Variants in SLC16A7 observed in about 807,000 individuals in gnomAD.
SLC16A7 encodes solute carrier family 16 member 7.
A neutral mutation model predicts 34.9 loss-of-function variants in SLC16A7; 33 were observed. The observed-to-expected ratio is 0.94, with a 90% CI of 0.72 to 1.26. SLC16A7 has a LOEUF of 1.26. Ranked by LOEUF, SLC16A7 falls within the 50% of genes most tolerant of loss-of-function variation. SLC16A7 has a pLI of 0.00. For missense variants in SLC16A7, 573 were observed against 578.1 expected, an observed-to-expected ratio of 0.99 and a Z score of 0.09; for synonymous variants, 201 against 206.6, an observed-to-expected ratio of 0.97 and a Z score of 0.23.
At chr12:59,767,399 T>C (rs1028247515) in intron 3 of SLC16A7, among the ~76,000 whole-genome samples, 3 of 151,926 alleles carry the variant, frequency 2.0e-5, no homozygotes, top group Admixed American at 6.6e-5. Context: ...AGGACTTTCA[T>C]TGGTAGATAG....
intron 1 of SLC16A7, among the ~76,000 whole-genome samples, chr12:59,652,221 T>C (rs773511521): frequency 1.3e-5 from 2 of 152,086 alleles, no homozygotes; most frequent in African/African-American, 4.8e-5. Context: ...TCAGCTGACA[T>C]AATTTTTCAC....
At chr12:59,604,079 A>G (rs1409083740) in intron 1 of SLC16A7, among the ~76,000 whole-genome samples, 2 of 152,112 alleles carry the variant, frequency 1.3e-5, no homozygotes, top group African/African-American at 4.8e-5. Context: ...TTTGCATGTG[A>G]CCTGGTTACA....
chr12:59,735,857 C>T, intron 3 of SLC16A7: 1 of 689,194 alleles, frequency 1.5e-6, no homozygotes. Context: ...TATTTAAAAA[C>T]ATACCAACAT....
At chr12:59,679,483 A>C (rs376574247) in intron 2 of SLC16A7, among the ~76,000 whole-genome samples, 17 of 152,194 alleles carry the variant, frequency 1.1e-4, no homozygotes, top group Non-Finnish European at 2.5e-4. Context: ...TCTTCAAGGC[A>C]GTTCAAACAG....
At chr12:59,766,218 A>G (rs1365813537) in intron 3 of SLC16A7, among the ~76,000 whole-genome samples, 4 of 152,334 alleles carry the variant, frequency 2.6e-5, no homozygotes, top group African/African-American at 9.6e-5. Context: ...TATCAGCTTA[A>G]GGAGATTTTG....
intron 2 of SLC16A7, among the ~76,000 whole-genome samples, chr12:59,679,675 A>G (rs1870595090): frequency 6.6e-6 from 1 of 152,198 alleles, no homozygotes; most frequent in East Asian, 1.9e-4. Flanking sequence ...CAGAAACTAT[A>G]TCTTATGTCT....
chr12:59,628,469 A>G (rs887729122), intron 1 of SLC16A7, among the ~76,000 whole-genome samples: 17 of 151,848 alleles, frequency 1.1e-4, no homozygotes, highest in African/African-American at 3.6e-4. Context: ...ACTCAATTCA[A>G]TTGTCCCTTT....
Position 59,596,872 on chromosome 12 carries a change from C to T in SLC16A7, c.-130+636C>T, listed in dbSNP as rs981918045. Among the ~76,000 whole-genome samples the T allele has an allele frequency of 2.6e-5, 4 of 152,136 alleles. No homozygotes were observed. The highest frequency in any genetic ancestry group is 5.9e-5 in the Non-Finnish European group (4 of 68,036). On this transcript the variant is annotated intron_variant, in intron 1 of 5. Coordinates refer to ENST00000547379, the MANE Select transcript of SLC16A7 (RefSeq NM_001270623.2). The surrounding 1 kb of genome is among the most constrained non-coding windows in gnomAD (Gnocchi z 5.0). ...CCAGGAAGGATGGCAGGGGTGGAAG[C>T]AGATGGAAAACTATATGCGGGCGAG...
chr12:59,680,310 T>A (rs188595329), intron 2 of SLC16A7, among the ~76,000 whole-genome samples: 4 of 152,324 alleles, frequency 2.6e-5, no homozygotes, highest in African/African-American at 9.6e-5. Flanking sequence ...GAGGACTTTT[T>A]CCAATGTAGT....
At position 59,775,372 on chromosome 12, in the gene SLC16A7, T is replaced by C. The variant is rs761302552; in HGVS notation, c.1077T>C (p.Phe359=). 6.8e-6 allele frequency: 11 copies of C among 1,614,032 alleles called. No individual in the cohort carries two copies. The African/African-American group carries it at 1.1e-4, about 16-fold the overall frequency. ...TTGGGAGTGTTAGCAGTGTTCTCTTTGAAACTCTCATGGACCTCGTGGGTG... is the reference window on the plus strand; with the variant it reads ...TTGGGAGTGTTAGCAGTGTTCTCTTCGAAACTCTCATGGACCTCGTGGGTG... ...LGFGSVSSVL[F]ETLMDLVGAP... is the part of the protein sequence containing the mutation. The change falls in exon 5 of 6, where the codon TTT becomes TTC. Residue 359 remains phenylalanine, a synonymous_variant. Coordinates refer to ENST00000547379, the MANE Select transcript of SLC16A7 (RefSeq NM_001270623.2).
intron 3 of SLC16A7, among the ~76,000 whole-genome samples, chr12:59,764,438 C>T (rs1406920831): frequency 1.3e-5 from 2 of 151,638 alleles, no homozygotes; most frequent in Non-Finnish European, 2.9e-5. Flanking sequence ...CCCATTAACT[C>T]GTCATTTAGC....
intron 1 of SLC16A7, among the ~76,000 whole-genome samples, chr12:59,627,646 T>A (rs1489792316): frequency 6.6e-6 from 1 of 151,840 alleles, no homozygotes; most frequent in East Asian, 1.9e-4. Context: ...TTTTATACAT[T>A]TGACTATCTA....
intron 1 of SLC16A7, among the ~76,000 whole-genome samples, chr12:59,608,821 A>G (rs1879061207): frequency 6.6e-6 from 1 of 152,210 alleles, no homozygotes; most frequent in Non-Finnish European, 1.5e-5. Flanking sequence ...TCCGTTATCT[A>G]CATTTATTTT....
intron 1 of SLC16A7, among the ~76,000 whole-genome samples, chr12:59,625,822 G>A (rs1163402896): frequency 6.6e-6 from 1 of 151,738 alleles, no homozygotes; most frequent in African/African-American, 2.4e-5. Flanking sequence ...GAAGACAATA[G>A]CAAATATGCC....
intron 2 of SLC16A7, among the ~76,000 whole-genome samples, chr12:59,678,037 G>A (rs1043081656): frequency 3.9e-5 from 6 of 152,176 alleles, no homozygotes; most frequent in Non-Finnish European, 7.3e-5. Context: ...GGGTGAGCCA[G>A]GTGTGGAGCA....
At chr12:59,606,976 A>G (rs1272293359) in intron 1 of SLC16A7, among the ~76,000 whole-genome samples, 1 of 152,176 alleles carries the variant, frequency 6.6e-6, no homozygotes, top group Admixed American at 6.5e-5. Context: ...GAGGTTGACA[A>G]AGTATAGCCC....
At chr12:59,645,053 C>A (rs912279155) in intron 1 of SLC16A7, among the ~76,000 whole-genome samples, 1 of 152,120 alleles carries the variant, frequency 6.6e-6, no homozygotes, top group South Asian at 2.1e-4. Context: ...CCTGTTAGTA[C>A]TCTTCATTAT....
chr12:59,735,913 C>A, intron 3 of SLC16A7: 1 of 1,238,442 alleles, frequency 8.1e-7, no homozygotes, highest in Non-Finnish European at 1.0e-6. Context: ...GATATAAATT[C>A]TCTATGACTT....
At chr12:59,754,443 G>C (rs1345734284) in intron 3 of SLC16A7, among the ~76,000 whole-genome samples, 1 of 152,136 alleles carries the variant, frequency 6.6e-6, no homozygotes, top group South Asian at 2.1e-4. Context: ...CAATCCCACA[G>C]AAATACAAAC....
Sources: gnomAD v4.1 joint callset for allele counts (sites outside exome capture counted in the v4.1 genomes callset) on GRCh38, gnomAD v4.1.1 for gene constraint, Gnocchi (gnomAD v3.1) non-coding constraint, MANE v1.5 for transcripts, NCBI Gene and HGNC (gene_info 2026-07-23, HGNC 2026-07-21) for gene names.